NRXN3: variants seen among roughly 807,000 people sequenced by gnomAD.
NRXN3 encodes neurexin III.
In NRXN3, 32 loss-of-function variants were observed where a neutral mutation model predicts 137.6. The ratio of observed to expected loss-of-function variants is 0.23; its 90% confidence interval spans 0.18 to 0.31. The LOEUF (loss-of-function observed/expected upper bound fraction) is 0.31, where lower values mean the gene tolerates loss of function less well. Ranked by LOEUF, NRXN3 falls within the 10% of genes least tolerant of loss-of-function variation. The pLI is 1.00. For missense variants in NRXN3, 1,574 were observed against 2,062.5 expected, an observed-to-expected ratio of 0.76 and a Z score of 4.59; for synonymous variants, 798 against 784.5, an observed-to-expected ratio of 1.02 and a Z score of -0.29.
chr14:78,242,304 C>A (rs2067184827), intron 1 of NRXN3, 87 bp from the exon 2 acceptor site: 1 of 152,212 alleles, frequency 6.6e-6, no homozygotes. Flanking sequence ...AGTCAGCATT[C>A]CATCAATACT....
chr14:79,070,159 T>C (rs1219985915), intron 15 of NRXN3, among the ~76,000 whole-genome samples: 1 of 152,176 alleles, frequency 6.6e-6, no homozygotes, highest in East Asian at 1.9e-4. Flanking sequence ...TTGTTCGGGA[T>C]AGCACCACGC....
chr14:78,466,154 G>A (rs763432924), intron 4 of NRXN3, among the ~76,000 whole-genome samples: 2 of 152,116 alleles, frequency 1.3e-5, no homozygotes, highest in Non-Finnish European at 2.9e-5. Flanking sequence ...CACTTTCAAT[G>A]AGGAAGTGTT....
chr14:78,514,885 G>A (rs1376451145), intron 4 of NRXN3, among the ~76,000 whole-genome samples: 1 of 152,138 alleles, frequency 6.6e-6, no homozygotes, highest in South Asian at 2.1e-4. Flanking sequence ...AAAGATCTGG[G>A]TGATTGGCAT....
intron 15 of NRXN3, among the ~76,000 whole-genome samples, chr14:79,435,654 G>C (rs1410036463): frequency 6.8e-6 from 1 of 147,722 alleles, no homozygotes; most frequent in Non-Finnish European, 1.5e-5. Context: ...TGTTTGTTTT[G>C]AGACAGGATC....
At chr14:78,484,597 A>G (rs145869096) in intron 4 of NRXN3, among the ~76,000 whole-genome samples, 1 of 152,224 alleles carries the variant, frequency 6.6e-6, no homozygotes. Context: ...ATCACTGCAT[A>G]TGAGGGAGTG....
chr14:79,578,239 A>G (rs2097683070), intron 16 of NRXN3, among the ~76,000 whole-genome samples: 1 of 152,198 alleles, frequency 6.6e-6, no homozygotes, highest in Non-Finnish European at 1.5e-5. Flanking sequence ...AAAGTGAGAG[A>G]GCTCCAGATG....
Position 79,861,907 on chromosome 14 carries a change from G to A in NRXN3, c.4659G>A (p.Gln1553=). ...GCACGCTCATGAAGGAGAAGCAGCA[G>A]AGCTCGAAGAGCGGCCACAAGAAAC... is the stretch of plus-strand genomic sequence containing the variant. ...SNGTLMKEKQ[Q]SSKSGHKKQK... is the part of the protein sequence containing the mutation. The change falls in exon 21 of 21, where the codon CAG becomes CAA. Residue 1553 remains glutamine (Q), a synonymous_variant. Transcript: ENST00000335750. This position sits in a 1 kb window ranked among gnomAD's most constrained non-coding sequence, Gnocchi z 5.4. 1 of 1,613,938 alleles carries A rather than the reference G, an allele frequency of 6.2e-7. No individual in the cohort carries two copies. The highest frequency in any genetic ancestry group is 8.5e-7 in the Non-Finnish European group (1 of 1,179,892).
intron 10 of NRXN3, among the ~76,000 whole-genome samples, chr14:78,871,027 A>G (rs1007863118): frequency 6.7e-6 from 1 of 149,386 alleles, no homozygotes; most frequent in Non-Finnish European, 1.5e-5. Flanking sequence ...TAAACATGGG[A>G]GTGCAGATAT....
At chr14:78,836,158 G>C (rs2098996238) in intron 10 of NRXN3, among the ~76,000 whole-genome samples, 1 of 152,072 alleles carries the variant, frequency 6.6e-6, no homozygotes, top group Admixed American at 6.5e-5. Context: ...ACTAGAAACA[G>C]TTAAGATGTT....
At chr14:78,915,267 A>C (rs2099251647) in intron 10 of NRXN3, among the ~76,000 whole-genome samples, 1 of 150,488 alleles carries the variant, frequency 6.6e-6, no homozygotes, top group African/African-American at 2.5e-5. Context: ...GTGGTTTATA[A>C]AACACTGGTA....
chr14:78,351,810 G>GTTTTTTTATTTTT, intron 4 of NRXN3, among the ~76,000 whole-genome samples: 1 of 143,164 alleles, frequency 7.0e-6, no homozygotes. Context: ...CCAAAAAGAG[G>GTTTTTTTATTTTT]TTTTAACATT....
At chr14:78,227,068 G>A (rs960909012) in intron 1 of NRXN3, among the ~76,000 whole-genome samples, 2 of 152,186 alleles carry the variant, frequency 1.3e-5, no homozygotes, top group African/African-American at 4.8e-5. Context: ...GGATTCTGAA[G>A]CTCCCTCTGG....
intron 20 of NRXN3, among the ~76,000 whole-genome samples, chr14:79,847,880 C>CTT (rs72525147): frequency 7.2e-6 from 1 of 138,176 alleles, no homozygotes; most frequent in African/African-American, 2.6e-5. Context: ...GCCAGGAATT[C>CTT]TTTTTTTTTT....
intron 15 of NRXN3, among the ~76,000 whole-genome samples, chr14:79,161,213 G>A (rs1429452257): frequency 6.6e-6 from 1 of 151,730 alleles, no homozygotes; most frequent in Non-Finnish European, 1.5e-5. Context: ...AGTGAAGTGG[G>A]GAAAATTTCA....
intron 19 of NRXN3, among the ~76,000 whole-genome samples, chr14:79,745,365 A>G (rs935443074): frequency 1.3e-5 from 2 of 152,190 alleles, no homozygotes; most frequent in African/African-American, 4.8e-5. Context: ...TTAGATGTGA[A>G]GAAACCATTT....
At chr14:78,986,772 C>T (rs566676508) in intron 14 of NRXN3, among the ~76,000 whole-genome samples, 112 of 152,106 alleles carry the variant, frequency 7.4e-4, no homozygotes, top group African/African-American at 2.5e-3. Flanking sequence ...CCTGTAATCC[C>T]AGCACTTTGG....
chr14:78,491,368 C>T (rs1049273705), intron 4 of NRXN3, among the ~76,000 whole-genome samples: 7 of 152,122 alleles, frequency 4.6e-5, no homozygotes, highest in African/African-American at 1.7e-4. Flanking sequence ...CAATGATGTC[C>T]AGAGGGAGTT....
At chr14:79,352,365 T>C (rs2093252089) in intron 15 of NRXN3, among the ~76,000 whole-genome samples, 1 of 152,162 alleles carries the variant, frequency 6.6e-6, no homozygotes, top group Non-Finnish European at 1.5e-5. Flanking sequence ...AACTGAAGAA[T>C]AAACCCTAGG....
intron 15 of NRXN3, chr14:79,247,152 C>T (rs917246753): frequency 2.6e-5 from 4 of 152,014 alleles, no homozygotes; most frequent in African/African-American, 9.7e-5. Flanking sequence ...TTACATAATA[C>T]TATTTCATTA....
Sources: allele counts gnomAD v4.1 joint callset (sites outside exome capture counted in the v4.1 genomes callset), GRCh38; gene constraint gnomAD v4.1.1; non-coding constraint Gnocchi (gnomAD v3.1); transcripts MANE v1.5; gene names NCBI Gene and HGNC (gene_info 2026-07-23, HGNC 2026-07-21).